Variants in NRXN1 observed in about 807,000 individuals in gnomAD.
The protein encoded by NRXN1 is neurexin 1, also known as neurexin-1.
In NRXN1, 39 loss-of-function variants were observed where a neutral mutation model predicts 150.9. The ratio of observed to expected loss-of-function variants is 0.26; its 90% confidence interval spans 0.20 to 0.34. NRXN1 has a LOEUF of 0.34. Among genes scored for constraint, NRXN1 ranks in the 10% least tolerant of loss-of-function variants. NRXN1 has a pLI of 1.00. For missense variants in NRXN1, 1,815 were observed against 1,949.9 expected, an observed-to-expected ratio of 0.93 and a Z score of 1.30; for synonymous variants, 924 against 757.0, an observed-to-expected ratio of 1.22 and a Z score of -3.62.
At chr2:50,787,604 C>A (rs1011771032) in intron 5 of NRXN1, among the ~76,000 whole-genome samples, 11 of 148,730 alleles carry the variant, frequency 7.4e-5, no homozygotes, top group South Asian at 4.2e-4. Context: ...ACAACAACAA[C>A]AAAAACAAGA....
At chr2:50,808,292 T>C (rs531912627) in intron 5 of NRXN1, among the ~76,000 whole-genome samples, 7 of 152,248 alleles carry the variant, frequency 4.6e-5, no homozygotes, top group African/African-American at 1.2e-4. Context: ...AGCTACATTA[T>C]ATCATATTCT....
chr2:50,002,119 T>C lies in NRXN1; in HGVS notation c.4128+51152A>G, dbSNP rs79491105. ...TGCAGCCCTGCCAATTCTGTGATTG[T>C]AGTCTAGTGAGAGCCAAGCAGAGGA... is the stretch of plus-strand genomic sequence containing the variant. On this transcript the variant is annotated intron_variant, in intron 21 of 22. Transcript: ENST00000401669. Among the ~76,000 whole-genome samples the C allele has an allele frequency of 4.7e-3, 709 of 152,070 alleles. 6 individuals carry two copies. The highest frequency in any genetic ancestry group is 0.016 in the African/African-American group (652 of 41,472).
chr2:50,089,181 G>A (rs1472257420), intron 19 of NRXN1, among the ~76,000 whole-genome samples: 3 of 152,148 alleles, frequency 2.0e-5, no homozygotes, highest in Non-Finnish European at 4.4e-5. Flanking sequence ...TTTGGAAATT[G>A]CTGATTAAGT....
chr2:50,149,901 G>A (rs888434913), intron 18 of NRXN1, among the ~76,000 whole-genome samples: 1 of 151,636 alleles, frequency 6.6e-6, no homozygotes, highest in Non-Finnish European at 1.5e-5. Context: ...TGTTAACCAT[G>A]CCATTTAACT....
At chr2:50,966,530 C>G (rs1209050361) in intron 2 of NRXN1, among the ~76,000 whole-genome samples, 1 of 151,654 alleles carries the variant, frequency 6.6e-6, no homozygotes, top group African/African-American at 2.4e-5. Context: ...CAACTCTCTT[C>G]AGGTTAGATG....
intron 21 of NRXN1, among the ~76,000 whole-genome samples, chr2:49,987,756 A>G (rs1681175659): frequency 8.4e-6 from 1 of 118,848 alleles, no homozygotes; most frequent in Admixed American, 8.0e-5. Context: ...TAGATGAAAC[A>G]ACGTTTTTTT....
Position 50,129,171 on chromosome 2 carries a change from C to T in NRXN1, c.3547-37677G>A, listed in dbSNP as rs1232763502. 3.3e-5 allele frequency among the ~76,000 whole-genome samples: 5 copies of T among 151,268 alleles called. No individual in the cohort carries two copies. In the South Asian group the frequency reaches 1.0e-3, roughly 32 times the overall value. Reference sequence around the variant, plus strand: ...GAGAAATTATCCTATCTGAATACATCAGTTTTATGATATTTATGTAACTAC... The same window carrying T: ...GAGAAATTATCCTATCTGAATACATTAGTTTTATGATATTTATGTAACTAC... On this transcript the variant is annotated intron_variant, in intron 18 of 22. Transcript: ENST00000401669.
chr2:50,708,982 G>A (rs572284515), intron 5 of NRXN1, among the ~76,000 whole-genome samples: 4 of 152,282 alleles, frequency 2.6e-5, no homozygotes, highest in East Asian at 3.9e-4. Flanking sequence ...AGGGTTCTAT[G>A]CAGACATTTG....
At chr2:50,931,312 C>T (rs541080220) in intron 2 of NRXN1, among the ~76,000 whole-genome samples, 3 of 151,936 alleles carry the variant, frequency 2.0e-5, no homozygotes, top group African/African-American at 7.3e-5. Context: ...GGTTCTTAGA[C>T]ATGTCCAAAA....
chr2:50,526,298 C>A (rs2092949977), intron 12 of NRXN1, among the ~76,000 whole-genome samples: 1 of 152,092 alleles, frequency 6.6e-6, no homozygotes, highest in African/African-American at 2.4e-5. Flanking sequence ...TAAAAGATAT[C>A]AATTGAGGTA....
At chr2:50,396,113 A>G (rs2082036827) in intron 17 of NRXN1, among the ~76,000 whole-genome samples, 1 of 152,180 alleles carries the variant, frequency 6.6e-6, no homozygotes, top group South Asian at 2.1e-4. Flanking sequence ...TCCTAATGAG[A>G]AAGCTGGCTG....
chr2:50,806,316 G>A (rs981184918), intron 5 of NRXN1, among the ~76,000 whole-genome samples: 2 of 152,052 alleles, frequency 1.3e-5, no homozygotes, highest in African/African-American at 2.4e-5. Flanking sequence ...TGGCTTCCAC[G>A]TTTGTAAATC....
chr2:50,925,973 G>A lies in NRXN1; in HGVS notation c.773-18C>T, dbSNP rs1030304803. On this transcript the variant is annotated intron_variant, in intron 2 of 22. Coordinates refer to ENST00000401669, the MANE Select transcript of NRXN1 (RefSeq NM_001330078.2). ...GTTGTCTTCTGAAAGCACATGACAAGGAGGGAGAGAAAAGGAAAAACATTC... is the reference window on the plus strand; with the variant it reads ...GTTGTCTTCTGAAAGCACATGACAAAGAGGGAGAGAAAAGGAAAAACATTC... 6.4e-7 allele frequency: 1 copy of A among 1,568,168 alleles called. No homozygotes were observed. The highest frequency in any genetic ancestry group is 8.7e-7 in the Non-Finnish European group (1 of 1,154,696).
chr2:49,978,310 A>C (rs1241855505), intron 21 of NRXN1, among the ~76,000 whole-genome samples: 1 of 152,156 alleles, frequency 6.6e-6, no homozygotes, highest in African/African-American at 2.4e-5. Flanking sequence ...AAAGTGAACA[A>C]ATCCTATCTT....
At chr2:50,274,531 C>T (rs181206324) in intron 17 of NRXN1, among the ~76,000 whole-genome samples, 16 of 152,146 alleles carry the variant, frequency 1.1e-4, no homozygotes, top group Non-Finnish European at 1.5e-4. Flanking sequence ...TCTGCACATT[C>T]TGCACATGTA....
At chr2:50,106,731 G>C (rs952931306) in intron 18 of NRXN1, among the ~76,000 whole-genome samples, 1 of 151,562 alleles carries the variant, frequency 6.6e-6, no homozygotes, top group Non-Finnish European at 1.5e-5. Flanking sequence ...GTGATCACAA[G>C]TTATTTTATG....
chr2:50,836,412 A>C (rs1255875665), intron 5 of NRXN1, among the ~76,000 whole-genome samples: 1 of 152,108 alleles, frequency 6.6e-6, no homozygotes, highest in Non-Finnish European at 1.5e-5. Context: ...ACAGTAAATC[A>C]CTAAAGCTTA....
rs114999370 is a variant in NRXN1 at position 50,181,585 on chromosome 2, A to T, written c.3546+55204T>A. On this transcript the variant is annotated intron_variant, in intron 18 of 22. Transcript: ENST00000401669. ...TGCCTTGCCTTTCCAATAGGGGAAA[A>T]TTAGACTAAATAAATTTTGGCCATT... Among the ~76,000 whole-genome samples, 1,270 of 152,194 alleles carry T rather than the reference A, an allele frequency of 8.3e-3. 25 individuals are homozygous for T. The highest frequency in any genetic ancestry group is 0.029 in the African/African-American group (1,205 of 41,536).
In NRXN1 at chr2:50,829,660, T is replaced by G. The variant is rs935607837; in HGVS notation, c.832+92209A>C. On this transcript the variant is annotated intron_variant, in intron 5 of 22. Coordinates refer to ENST00000401669, the MANE Select transcript of NRXN1 (RefSeq NM_001330078.2). Reference sequence around the variant, plus strand: ...GTAGCCAGGTTGGTACGGGACGGCATCATAACAGGCTGACACAGCGGAGCG... The same window carrying G: ...GTAGCCAGGTTGGTACGGGACGGCAGCATAACAGGCTGACACAGCGGAGCG... 8 of 1,611,608 alleles carry G rather than the reference T, an allele frequency of 5.0e-6. No homozygotes were observed. In the South Asian group the frequency reaches 8.8e-5, roughly 18 times the overall value.
Sources: allele counts gnomAD v4.1 joint callset (sites outside exome capture counted in the v4.1 genomes callset), GRCh38; gene constraint gnomAD v4.1.1; transcripts MANE v1.5; gene names NCBI Gene and HGNC (gene_info 2026-07-23, HGNC 2026-07-21).